PPP1R36: variants seen among roughly 807,000 people sequenced by gnomAD.
The protein encoded by PPP1R36 is protein phosphatase 1 regulatory subunit 36, also known as chromosome 14 open reading frame 50.
PPP1R36 carries 47 observed loss-of-function variants against 53.4 expected under a neutral mutation model. The observed-to-expected ratio is 0.88, with a 90% CI of 0.70 to 1.12. PPP1R36 has a LOEUF of 1.12. Among genes scored for constraint, PPP1R36 ranks in the 50% most tolerant of loss-of-function variants. PPP1R36 has a pLI of 0.00. For synonymous variants in PPP1R36, 153 were observed against 170.5 expected (o/e 0.90, Z 0.80); for missense variants, 456 against 513.9 (o/e 0.89, Z 1.09).
At chr14:64,569,019 C>A (rs1272035265) in intron 7 of PPP1R36, among the ~76,000 whole-genome samples, 1 of 151,738 alleles carries the variant, frequency 6.6e-6, no homozygotes, top group East Asian at 1.9e-4. Context: ...TGTAAGCATC[C>A]AATTAAAAAA....
At chr14:64,564,899 G>C (rs1044337994) in intron 4 of PPP1R36, 62 bp downstream of exon 4, 1 of 1,127,394 alleles carries the variant, frequency 8.9e-7, no homozygotes, top group Admixed American at 2.3e-5. Context: ...AATGGCTTCA[G>C]CCTTTACAAA....
chr14:64,557,696 G>A (rs2080167659), intron 3 of PPP1R36, among the ~76,000 whole-genome samples: 1 of 152,254 alleles, frequency 6.6e-6, no homozygotes, highest in East Asian at 1.9e-4. Flanking sequence ...GACAGGCAAA[G>A]AAAGAGGAAT....
Position 64,570,753 on chromosome 14 carries a change from C to T in PPP1R36, c.533+2306C>T, listed in dbSNP as rs146073893. On this transcript the variant is annotated intron_variant, in intron 7 of 11. Transcript: ENST00000298705. ...GCATGGCACTTGGGAGGAAAGCCTA[C>T]AGCCGTGAGAGGAAAGCAGAAAAGG... Among the ~76,000 whole-genome samples, 282 of 152,266 alleles carry T rather than the reference C, an allele frequency of 1.9e-3. 2 individuals carry two copies. Among genetic ancestry groups the T allele is most frequent in the African/African-American group, 6.5e-3 (268 of 41,550 alleles).
intron 8 of PPP1R36, among the ~76,000 whole-genome samples, chr14:64,584,894 G>A (rs1442579652): frequency 2.6e-5 from 4 of 152,186 alleles, no homozygotes; most frequent in African/African-American, 7.2e-5. Context: ...TGCAGTACCC[G>A]GCACATAGTC....
At chr14:64,553,672 A>G (rs537531503) in intron 3 of PPP1R36, among the ~76,000 whole-genome samples, 24 of 152,236 alleles carry the variant, frequency 1.6e-4, no homozygotes, top group African/African-American at 5.5e-4. Context: ...AACTGGTAGC[A>G]GTGGGAGACA....
intron 3 of PPP1R36, among the ~76,000 whole-genome samples, chr14:64,558,964 T>G (rs902322860): frequency 6.6e-6 from 1 of 152,164 alleles, no homozygotes; most frequent in Non-Finnish European, 1.5e-5. Context: ...TCAGTAGGTT[T>G]ACCAGTGAAT....
chr14:64,560,493 C>T (rs539391718), intron 3 of PPP1R36, among the ~76,000 whole-genome samples: 4 of 150,286 alleles, frequency 2.7e-5, no homozygotes, highest in African/African-American at 7.3e-5. Flanking sequence ...AAATTGTTTG[C>T]GGGGAGATAA....
intron 10 of PPP1R36, 65 bp downstream of exon 10, chr14:64,587,437 T>C: frequency 1.2e-6 from 1 of 802,526 alleles, no homozygotes; most frequent in Non-Finnish European, 1.8e-6. Flanking sequence ...TCTTTTCTTT[T>C]CTTTTTTCTC....
chr14:64,565,822 A>G, intron 6 of PPP1R36, 130 bp downstream of exon 6: 1 of 699,264 alleles, frequency 1.4e-6, no homozygotes, highest in Admixed American at 2.4e-5. Flanking sequence ...CCATCCTCTC[A>G]GGACCTAGTC....
At position 64,565,415 on chromosome 14, in the gene PPP1R36, C is replaced by G; in HGVS notation, c.328C>G (p.Arg110Gly). ...TAAGTCAGCTAAAGCTGTAGAGAAA[C>G]GAGGTCAACAGGGCACCATTACACT... The part of the protein sequence containing the change: ...DDKSAKAVEK[R>G]GQQGTITLDD... The change falls in exon 5 of 12, where the codon CGA becomes GGA. Residue 110 changes from arginine (R) to glycine (G), a missense_variant. Arg to Gly is a moderately radical substitution (Grantham distance 125, BLOSUM62 -2). Coordinates refer to ENST00000298705, the MANE Select transcript of PPP1R36 (RefSeq NM_172365.3). 1 of 1,613,510 alleles carries G rather than the reference C, an allele frequency of 6.2e-7. No homozygotes were observed. The highest frequency in any genetic ancestry group is 8.5e-7 in the Non-Finnish European group (1 of 1,179,554).
chr14:64,576,140 G>A (rs1462563130), intron 8 of PPP1R36, among the ~76,000 whole-genome samples: 1 of 148,322 alleles, frequency 6.7e-6, no homozygotes, highest in Non-Finnish European at 1.5e-5. Flanking sequence ...GAGTGCAATG[G>A]TGTGATCTCG....
rs374831183 is a variant in PPP1R36, at chr14:64,566,792, ACT to A, written c.434+1102_434+1103del. Among the ~76,000 whole-genome samples the A allele has an allele frequency of 6.0e-4, 91 of 152,240 alleles. No individual in the cohort carries two copies. In the East Asian group the frequency reaches 9.8e-3, roughly 16 times the overall value. On this transcript the variant is annotated intron_variant, in intron 6 of 11. Coordinates refer to ENST00000298705, the MANE Select transcript of PPP1R36 (RefSeq NM_172365.3). ...AGGGCTCATTCCACCACAGGCACAC[ACT>A]CAGCCTGACTGCAGGGCAAGTTCAG...
At chr14:64,554,142 G>GT (rs367753961) in intron 3 of PPP1R36, among the ~76,000 whole-genome samples, 8,472 of 65,272 alleles carry the variant, frequency 0.13, 2,135 homozygotes, top group Non-Finnish European at 0.17. Context: ...CATCACAATT[G>GT]TTTTTTTTTT....
intron 3 of PPP1R36, among the ~76,000 whole-genome samples, chr14:64,557,655 A>G (rs975660570): frequency 6.6e-5 from 10 of 152,218 alleles, no homozygotes; most frequent in Non-Finnish European, 1.5e-4. Context: ...AGCCTTTGAT[A>G]GATATCTTCA....
intron 7 of PPP1R36, among the ~76,000 whole-genome samples, chr14:64,572,998 A>G (rs549457585): frequency 1.3e-5 from 2 of 152,286 alleles, no homozygotes; most frequent in East Asian, 3.9e-4. Context: ...TTGTCTTTGT[A>G]TTAAGGATAA....
At chr14:64,587,609 C>T (rs759777616) in intron 10 of PPP1R36, among the ~76,000 whole-genome samples, 10 of 151,502 alleles carry the variant, frequency 6.6e-5, no homozygotes, top group Admixed American at 1.3e-4. Flanking sequence ...TACAGACATG[C>T]GCCACCACGC....
intron 9 of PPP1R36, 106 bp downstream of exon 9, chr14:64,586,985 C>T (rs991795442): frequency 2.5e-5 from 25 of 980,532 alleles, no homozygotes; most frequent in Admixed American, 1.0e-4. Context: ...TTCTAAAAGA[C>T]GGTGCTAACA....
chr14:64,576,974 A>G (rs2080346377), intron 8 of PPP1R36, among the ~76,000 whole-genome samples: 1 of 152,212 alleles, frequency 6.6e-6, no homozygotes. Context: ...CACATGTTTT[A>G]GCCTGTTTGG....
intron 3 of PPP1R36, among the ~76,000 whole-genome samples, chr14:64,556,766 G>GTGTGTGTGTGTA (rs1395556337): frequency 1.5e-5 from 2 of 135,880 alleles, no homozygotes. Flanking sequence ...CAAAAAATGT[G>GTGTGTGTGTGTA]TGTGTGTGTG....
Sources: gnomAD v4.1 joint callset for allele counts (sites outside exome capture counted in the v4.1 genomes callset) on GRCh38, gnomAD v4.1.1 for gene constraint, MANE v1.5 for transcripts, NCBI Gene and HGNC (gene_info 2026-07-23, HGNC 2026-07-21) for gene names.